FGD6: variants seen among roughly 807,000 people sequenced by gnomAD.
FGD6 encodes FYVE, RhoGEF and PH domain containing 6.
In FGD6, 90 loss-of-function variants were observed where a neutral mutation model predicts 149.4. The ratio of observed to expected loss-of-function variants is 0.60; its 90% CI spans 0.51 to 0.72. The LOEUF is 0.72. Among genes scored for constraint, FGD6 ranks in the 30% least tolerant of loss-of-function variants. FGD6 has a pLI of 0.00. For missense variants in FGD6, 1,437 were observed against 1,684.8 expected, an observed-to-expected ratio of 0.85 and a Z score of 2.57; for synonymous variants, 527 against 584.0, an observed-to-expected ratio of 0.90 and a Z score of 1.41.
intron 2 of FGD6, among the ~76,000 whole-genome samples, chr12:95,174,927 C>CAAAAAAAAAAA (rs10687970): frequency 2.4e-5 from 2 of 84,666 alleles, no homozygotes; most frequent in Non-Finnish European, 2.1e-5. Context: ...ACTCCATCTC[C>CAAAAAAAAAAA]AAAAAAAAAA....
At chr12:95,215,889 G>A (rs1455249550) in intron 1 of FGD6, among the ~76,000 whole-genome samples, 1 of 152,122 alleles carries the variant, frequency 6.6e-6, no homozygotes, top group East Asian at 1.9e-4. Context: ...AGCTAAAACT[G>A]GCTGGAAGGA....
chr12:95,118,354 A>AAG (rs1879084733), intron 8 of FGD6, among the ~76,000 whole-genome samples: 1 of 148,674 alleles, frequency 6.7e-6, no homozygotes, highest in African/African-American at 2.5e-5. Context: ...GTCTCAAAAA[A>AAG]AAAAAAAAGA....
rs1445482014 is a variant in FGD6, at chr12:95,092,699, C to T, written c.3747G>A (p.Lys1249=). 6.2e-7 allele frequency: 1 copy of T among 1,613,822 alleles called. No individual in the cohort carries two copies. The highest frequency in any genetic ancestry group is 8.5e-7 in the Non-Finnish European group (1 of 1,179,946). The change falls in exon 16 of 21, where the codon AAG becomes AAA. Residue 1249 remains lysine, a splice_region_variant and synonymous_variant. Coordinates refer to ENST00000343958, the MANE Select transcript of FGD6 (RefSeq NM_018351.4). ...WRRHHCRACG[K]IVCQACSSNK... is the part of the protein sequence containing the mutation. The stretch of plus-strand genomic sequence containing the variant: ...GGAGATGGGTGTTATCATCGCCAAC[C>T]TTTCCACAGGCCCGGCAGTGGTGTC...
Position 95,085,848 on chromosome 12 carries a change from T to A in FGD6, c.4039A>T (p.Lys1347Ter). 6.2e-7 allele frequency: 1 copy of A among 1,614,008 alleles called. No individual in the cohort carries two copies. The highest frequency in any genetic ancestry group is 8.5e-7 in the Non-Finnish European group (1 of 1,179,968). ...SGYLYRSKGNKKPWKHFWFVI... is the reference protein window; with the variant it reads ...SGYLYRSKGN ...AACCAAAAGTGTTTCCAGGGTTTTTTATTGCCCTTTGATCTGTACAAGTAG... is the reference window on the plus strand; with the variant it reads ...AACCAAAAGTGTTTCCAGGGTTTTTAATTGCCCTTTGATCTGTACAAGTAG... Residue 1347 changes from lysine to a stop codon, truncating the protein, a stop_gained, in exon 19 of 21, where the codon AAA (lysine) becomes TAA (stop). Coordinates refer to ENST00000343958, the MANE Select transcript of FGD6 (RefSeq NM_018351.4). LOFTEE classifies it high-confidence loss of function.
At chr12:95,090,921 G>A (rs2136233247) in intron 17 of FGD6, among the ~76,000 whole-genome samples, 1 of 152,142 alleles carries the variant, frequency 6.6e-6, no homozygotes, top group South Asian at 2.1e-4. Context: ...AACATGGTGA[G>A]ACCGCCCCGC....
At chr12:95,137,145 G>A (rs1423782892) in intron 7 of FGD6, among the ~76,000 whole-genome samples, 3 of 152,086 alleles carry the variant, frequency 2.0e-5, no homozygotes, top group Admixed American at 2.0e-4. Context: ...CAGGTGTGGT[G>A]GCACGTGCTT....
intron 2 of FGD6, among the ~76,000 whole-genome samples, chr12:95,206,329 G>A: frequency 6.6e-6 from 1 of 151,368 alleles, no homozygotes; most frequent in South Asian, 2.1e-4. Context: ...AAAAAAAAAA[G>A]GATAGTACCA....
chr12:95,127,621 T>C (rs1879385559), intron 8 of FGD6, among the ~76,000 whole-genome samples: 1 of 152,214 alleles, frequency 6.6e-6, no homozygotes, highest in Non-Finnish European at 1.5e-5. Flanking sequence ...AGCTCAAATT[T>C]ATAGCTTCAG....
chr12:95,121,413 G>A (rs1362088704), intron 8 of FGD6, among the ~76,000 whole-genome samples: 3 of 138,962 alleles, frequency 2.2e-5, no homozygotes, highest in Admixed American at 7.8e-5. Context: ...TCACATCATT[G>A]CACTCCAGCC....
intron 14 of FGD6, among the ~76,000 whole-genome samples, chr12:95,102,991 G>A (rs1436068144): frequency 6.6e-6 from 1 of 152,134 alleles, no homozygotes; most frequent in Non-Finnish European, 1.5e-5. Flanking sequence ...GACTGATGCA[G>A]AGTAATAAAT....
intron 2 of FGD6, among the ~76,000 whole-genome samples, chr12:95,203,474 G>A (rs557003626): frequency 2.0e-5 from 3 of 152,136 alleles, no homozygotes; most frequent in East Asian, 1.9e-4. Context: ...ATCTAATCAC[G>A]CCCATTTAAA....
intron 13 of FGD6, among the ~76,000 whole-genome samples, chr12:95,105,759 C>T (rs1245992878): frequency 6.6e-6 from 1 of 152,198 alleles, no homozygotes; most frequent in Non-Finnish European, 1.5e-5. Context: ...CGCAGTGGCT[C>T]ACGCCTGTAA....
At chr12:95,163,791 G>A (rs1055705536) in intron 3 of FGD6, among the ~76,000 whole-genome samples, 1 of 152,052 alleles carries the variant, frequency 6.6e-6, no homozygotes, top group African/African-American at 2.4e-5. Context: ...TCTAAACCAG[G>A]AAAGCTACAG....
At chr12:95,118,983 G>A (rs1045496709) in intron 8 of FGD6, among the ~76,000 whole-genome samples, 3 of 152,170 alleles carry the variant, frequency 2.0e-5, no homozygotes, top group Non-Finnish European at 4.4e-5. Flanking sequence ...TCTGGAATTA[G>A]AAGACAGAAA....
At chr12:95,099,043 T>C (rs1878333602) in intron 14 of FGD6, among the ~76,000 whole-genome samples, 2 of 152,146 alleles carry the variant, frequency 1.3e-5, no homozygotes, top group Non-Finnish European at 2.9e-5. Context: ...CTAATTTTTA[T>C]ATTTTAATGT....
At chr12:95,208,820 A>T in intron 2 of FGD6, 23 bp downstream of exon 2, 1 of 1,592,780 alleles carries the variant, frequency 6.3e-7, no homozygotes, top group Non-Finnish European at 8.6e-7. Context: ...TGCATGCAAA[A>T]GTGTCTGTCT....
chr12:95,092,890 T>G, intron 15 of FGD6, 45 bp from the exon 16 acceptor site: 1 of 1,562,134 alleles, frequency 6.4e-7, no homozygotes, highest in Admixed American at 1.9e-5. Context: ...GCACACTGCC[T>G]GCCTTTTTAT....
chr12:95,086,751 T>C (rs1413765172), intron 18 of FGD6, among the ~76,000 whole-genome samples: 1 of 150,604 alleles, frequency 6.6e-6, no homozygotes, highest in Non-Finnish European at 1.5e-5. Context: ...TTTCATCATG[T>C]TAGCCAGGAT....
chr12:95,104,990 AAG>A lies in FGD6; in HGVS notation c.3497+15_3497+16del. On this transcript the variant is annotated intron_variant, in intron 14 of 20. Coordinates refer to ENST00000343958, the MANE Select transcript of FGD6 (RefSeq NM_018351.4). ...GAATGAGAAAAAAAAAAAAAAAAAG[AAG>A]AAGAAAAAATTTACCTGGCTGAGAG... The A allele has an allele frequency of 6.5e-7, 1 of 1,545,574 alleles. No homozygotes were observed. Among genetic ancestry groups the A allele is most frequent in the Non-Finnish European group, 8.7e-7 (1 of 1,150,916 alleles).
Sources: gnomAD v4.1 joint callset for allele counts (sites outside exome capture counted in the v4.1 genomes callset) on GRCh38, gnomAD v4.1.1 for gene constraint, MANE v1.5 for transcripts, NCBI Gene and HGNC (gene_info 2026-07-23, HGNC 2026-07-21) for gene names.